The following RYR2 variants were observed in gnomAD, a reference collection of about 807,000 sequenced individuals.
The protein encoded by RYR2 is cardiac muscle ryanodine receptor-calcium release channel.
A neutral mutation model predicts 601.1 loss-of-function variants in RYR2; 227 were observed. The ratio of observed to expected loss-of-function variants is 0.38; its 90% CI spans 0.34 to 0.42. RYR2 has a LOEUF of 0.42. Among genes scored for constraint, RYR2 ranks in the 10% least tolerant of loss-of-function variants. RYR2 has a pLI of 1.00. For synonymous variants in RYR2, 2,223 were observed against 2,175.1 expected, an observed-to-expected ratio of 1.02 and a Z score of -0.61; for missense variants, 4,646 against 6,156.5, an observed-to-expected ratio of 0.75 and a Z score of 8.21.
At chr1:237,518,976 G>C (rs140480872) in intron 24 of RYR2, among the ~76,000 whole-genome samples, 112 of 152,196 alleles carry the variant, frequency 7.4e-4, no homozygotes, top group African/African-American at 2.7e-3. Context: ...GACTGGTGTA[G>C]GATGACATCC....
Position 237,680,544 on chromosome 1 carries a change from A to G in RYR2, c.8984A>G (p.His2995Arg), listed in dbSNP as rs1685783884. 3 of 1,606,350 alleles carry G rather than the reference A, an allele frequency of 1.9e-6. No individual in the cohort carries two copies. The highest frequency in any genetic ancestry group is 2.6e-6 in the Non-Finnish European group (3 of 1,175,378). Residue 2995 changes from histidine (H) to arginine (R), a missense_variant, in exon 62 of 105, where the codon CAT (histidine) becomes CGT (arginine). Coordinates refer to ENST00000366574, the MANE Select transcript of RYR2 (RefSeq NM_001035.3). ...AGCAGACCTCTCTGCTCTGGAGGAC[A>G]TGCTTCCAACAAAGAGAAAGAAATG... ...AASRPLCSGG[H>R]ASNKEKEMVT...
chr1:237,692,483 A>G (rs1182080646), intron 63 of RYR2, among the ~76,000 whole-genome samples: 1 of 152,116 alleles, frequency 6.6e-6, no homozygotes, highest in African/African-American at 2.4e-5. Context: ...GGTAGAAAGC[A>G]CGTTTCTTAA....
intron 2 of RYR2, among the ~76,000 whole-genome samples, chr1:237,272,031 G>A (rs1689739016): frequency 6.6e-6 from 1 of 152,146 alleles, no homozygotes; most frequent in African/African-American, 2.4e-5. Context: ...TTGGGAGGCT[G>A]AGGCACAAGA....
At position 237,640,917 on chromosome 1, in the gene RYR2, A is replaced by T. The variant is rs892681643; in HGVS notation, c.7136A>T (p.Asp2379Val). The T allele has an allele frequency of 6.2e-7, 1 of 1,613,436 alleles. No individual in the cohort carries two copies. The highest frequency in any genetic ancestry group is 8.5e-7 in the Non-Finnish European group (1 of 1,179,680). Reference sequence around the variant, plus strand: ...GAAAGTGACACAGAGGAGGAGGAAGATGACACTATCCACATGGGGAACGCG... The same window carrying T: ...GAAAGTGACACAGAGGAGGAGGAAGTTGACACTATCCACATGGGGAACGCG... The part of the protein sequence containing the change: ...SKTLDTEEEE[D>V]DTIHMGNAIM... The change falls in exon 47 of 105, where the codon GAT becomes GTT. Residue 2379 changes from aspartate (D) to valine (V), a missense_variant. Asp to Val is a radical substitution (Grantham distance 152). Transcript: ENST00000366574.
At chr1:237,405,093 A>T (rs889630343) in intron 10 of RYR2, among the ~76,000 whole-genome samples, 1 of 152,228 alleles carries the variant, frequency 6.6e-6, no homozygotes, top group African/African-American at 2.4e-5. Flanking sequence ...GTAGAATAAG[A>T]AATGGTGGTG....
chr1:237,698,786 C>G (rs1249469072), intron 63 of RYR2, among the ~76,000 whole-genome samples, 179 bp from the exon 64 acceptor site: 1 of 152,106 alleles, frequency 6.6e-6, no homozygotes. Context: ...TTTCTACTTA[C>G]ATTTGCATAA....
intron 1 of RYR2, among the ~76,000 whole-genome samples, chr1:237,193,231 C>T (rs1030341637): frequency 4.7e-5 from 7 of 149,446 alleles, no homozygotes; most frequent in African/African-American, 1.7e-4. Flanking sequence ...TTTGGGAGGC[C>T]GAGGTGGGTG....
At chr1:237,531,067 TC>T (rs546627274) in intron 25 of RYR2, among the ~76,000 whole-genome samples, 240 of 152,324 alleles carry the variant, frequency 1.6e-3, no homozygotes, top group Non-Finnish European at 2.2e-3. Flanking sequence ...TGTGTTATTT[TC>T]CCAGTGTGTG....
Position 237,623,848 on chromosome 1 carries a change from T to C in RYR2, c.6000T>C (p.His2000=). ...TTCGTGACCAACTATTGGATTTCCA[T>C]GAAGATTTGATGACACATTGTGGTA... ...EEIRDQLLDF[H]EDLMTHCGIE... is the part of the protein sequence containing the mutation. The change falls in exon 39 of 105, where the codon CAT becomes CAC. Residue 2000 remains histidine, a synonymous_variant. Coordinates refer to ENST00000366574, the MANE Select transcript of RYR2 (RefSeq NM_001035.3). 18 of 1,611,112 alleles carry C rather than the reference T, an allele frequency of 1.1e-5. No homozygotes were observed. The highest frequency in any genetic ancestry group is 1.4e-5 in the Non-Finnish European group (17 of 1,177,292).
intron 3 of RYR2, among the ~76,000 whole-genome samples, chr1:237,347,621 T>C (rs1698415899): frequency 6.6e-6 from 1 of 152,154 alleles, no homozygotes; most frequent in Non-Finnish European, 1.5e-5. Flanking sequence ...TACCTTGTTT[T>C]GAATCTTTTA....
chr1:237,535,759 A>G (rs1484164128), intron 25 of RYR2, among the ~76,000 whole-genome samples: 1 of 152,234 alleles, frequency 6.6e-6, no homozygotes. Context: ...AGCTGAGTTT[A>G]TCCTAGTAGT....
chr1:237,615,272 G>A (rs1678341634), intron 37 of RYR2, among the ~76,000 whole-genome samples: 1 of 152,120 alleles, frequency 6.6e-6, no homozygotes, highest in African/African-American at 2.4e-5. Context: ...GCTCACTGCA[G>A]CCTAGAACTC....
At chr1:237,448,662 G>A (rs545318036) in intron 14 of RYR2, among the ~76,000 whole-genome samples, 11 of 152,076 alleles carry the variant, frequency 7.2e-5, no homozygotes, top group African/African-American at 2.2e-4. Flanking sequence ...TTGAAGCTCC[G>A]TTATTAAGTG....
At chr1:237,633,969 T>C (rs545972035) in intron 43 of RYR2, among the ~76,000 whole-genome samples, 1 of 152,212 alleles carries the variant, frequency 6.6e-6, no homozygotes, top group Admixed American at 6.5e-5. Flanking sequence ...TAATAAGTGT[T>C]GGCGAGGGTG....
At chr1:237,694,051 C>T (rs1433006590) in intron 63 of RYR2, among the ~76,000 whole-genome samples, 1 of 151,992 alleles carries the variant, frequency 6.6e-6, no homozygotes, top group African/African-American at 2.4e-5. Context: ...TCCCAGCACT[C>T]TGGGAGGCTG....
At chr1:237,520,798 G>C (rs1667009629) in intron 24 of RYR2, among the ~76,000 whole-genome samples, 1 of 152,130 alleles carries the variant, frequency 6.6e-6, no homozygotes, top group Non-Finnish European at 1.5e-5. Flanking sequence ...CACTTTGGGA[G>C]GCCAAGGTGG....
intron 1 of RYR2, among the ~76,000 whole-genome samples, chr1:237,237,982 C>CTTTCT (rs1553357548): frequency 6.9e-6 from 1 of 143,972 alleles, no homozygotes; most frequent in Non-Finnish European, 1.5e-5. Context: ...CTTTCCTTTC[C>CTTTCT]TTTCCAACAG....
intron 16 of RYR2, among the ~76,000 whole-genome samples, chr1:237,465,132 C>T (rs1316815472): frequency 6.6e-6 from 1 of 151,556 alleles, no homozygotes; most frequent in Non-Finnish European, 1.5e-5. Flanking sequence ...GCACGATGTT[C>T]AGGAGGTACT....
rs774270919 is a variant in RYR2 at position 237,788,058 on chromosome 1, A to G, written c.13399A>G (p.Thr4467Ala). The G allele has an allele frequency of 6.2e-6, 10 of 1,611,644 alleles. No homozygotes were observed. In the East Asian group the frequency reaches 1.6e-4, roughly 25 times the overall value. Residue 4467 changes from threonine (T) to alanine (A), a missense_variant, in exon 92 of 105, where the codon ACA becomes GCA. Physicochemically the swap from Thr to Ala is moderately conservative, Grantham distance 58. Coordinates refer to ENST00000366574, the MANE Select transcript of RYR2 (RefSeq NM_001035.3). ...CAAACAAAAGTTGAGGCAGCTTCACACACACAGATACGGAGAACCAGAAGT... is the reference window on the plus strand; with the variant it reads ...CAAACAAAAGTTGAGGCAGCTTCACGCACACAGATACGGAGAACCAGAAGT... ...KGKQKLRQLH[T>A]HRYGEPEVPE... is the part of the protein sequence containing the mutation.
Sources: allele counts gnomAD v4.1 joint callset (sites outside exome capture counted in the v4.1 genomes callset), GRCh38; gene constraint gnomAD v4.1.1; transcripts MANE v1.5; gene names NCBI Gene and HGNC (gene_info 2026-07-23, HGNC 2026-07-21).